Variants in AUTS2 observed in about 807,000 individuals in gnomAD.
The protein encoded by AUTS2 is autism susceptibility gene 2 protein.
AUTS2 carries 17 observed loss-of-function variants against 112.4 expected under a neutral mutation model. That is an observed-to-expected ratio of 0.15 (90% CI 0.10 to 0.23). AUTS2 has a LOEUF of 0.23. AUTS2 is among the 10% of genes least tolerant of loss of function. The pLI, the probability that AUTS2 is intolerant of heterozygous loss-of-function variation, is 1.00. For missense variants in AUTS2, 1,510 were observed against 1,701.6 expected (o/e 0.89, Z 1.98); for synonymous variants, 751 against 702.7 (o/e 1.07, Z -1.09).
intron 4 of AUTS2, among the ~76,000 whole-genome samples, chr7:70,220,436 A>C (rs919502182): frequency 3.9e-5 from 6 of 152,178 alleles, no homozygotes; most frequent in Non-Finnish European, 7.3e-5. Context: ...ATATTCAGAG[A>C]TAGAGCAAAG....
At chr7:70,054,386 T>C (rs895953342) in intron 2 of AUTS2, among the ~76,000 whole-genome samples, 2 of 152,176 alleles carry the variant, frequency 1.3e-5, no homozygotes, top group African/African-American at 4.8e-5. Flanking sequence ...TGCTTTCCTG[T>C]TTTTTCTCAA....
chr7:70,448,980 G>A (rs1796426178), intron 5 of AUTS2, among the ~76,000 whole-genome samples: 1 of 152,198 alleles, frequency 6.6e-6, no homozygotes, highest in African/African-American at 2.4e-5. Context: ...CTCTTAAGTT[G>A]TAACAGCTTT....
intron 5 of AUTS2, among the ~76,000 whole-genome samples, chr7:70,566,162 G>A (rs978777721): frequency 1.8e-4 from 27 of 152,184 alleles, no homozygotes; most frequent in Non-Finnish European, 2.9e-4. Flanking sequence ...CTCTAATTCA[G>A]CCTCTGCCAA....
chr7:69,776,460 G>C (rs1438539779), intron 1 of AUTS2, among the ~76,000 whole-genome samples: 1 of 152,140 alleles, frequency 6.6e-6, no homozygotes, highest in African/African-American at 2.4e-5. Flanking sequence ...CTGATACTCA[G>C]GTTAGAGTAC....
At chr7:70,175,491 A>G (rs1808938512) in intron 4 of AUTS2, among the ~76,000 whole-genome samples, 1 of 152,228 alleles carries the variant, frequency 6.6e-6, no homozygotes, top group African/African-American at 2.4e-5. Flanking sequence ...TGTGGGTAAT[A>G]TGCTATCAAA....
At chr7:69,740,110 C>T (rs1253237364) in intron 1 of AUTS2, among the ~76,000 whole-genome samples, 2 of 152,216 alleles carry the variant, frequency 1.3e-5, no homozygotes, top group Non-Finnish European at 2.9e-5. Context: ...TGACTAGCTG[C>T]CTCTTTGGCC....
chr7:70,596,402 G>A (rs1404834526), intron 5 of AUTS2: 2 of 152,186 alleles, frequency 1.3e-5, no homozygotes, highest in African/African-American at 4.8e-5. Flanking sequence ...AGCCAGACCC[G>A]GGGAGGCAGA....
chr7:70,262,633 G>T (rs1787224558), intron 4 of AUTS2, among the ~76,000 whole-genome samples: 1 of 152,120 alleles, frequency 6.6e-6, no homozygotes, highest in South Asian at 2.1e-4. Flanking sequence ...TTTTATGAAT[G>T]GTAGCAATAC....
chr7:69,908,423 T>G (rs1795230657), intron 2 of AUTS2, among the ~76,000 whole-genome samples: 1 of 152,260 alleles, frequency 6.6e-6, no homozygotes, highest in Non-Finnish European at 1.5e-5. Flanking sequence ...TGTTATTTAC[T>G]CTGGGGCTTT....
chr7:70,666,972 TAAAA>T lies in AUTS2; in HGVS notation c.691-31581_691-31578del, dbSNP rs5884791. Among the ~76,000 whole-genome samples, 123 of 135,674 alleles carry T rather than the reference TAAAA, an allele frequency of 9.1e-4. 2 individuals are homozygous for T. Among genetic ancestry groups the T allele is most frequent in the African/African-American group, 2.4e-3 (89 of 36,608 alleles). The allele number at this position is 135,674 out of a possible 152,430, so 89.0% of individuals were successfully genotyped here. On this transcript the variant is annotated intron_variant, in intron 5 of 18. Transcript: ENST00000342771. ...AGCTGTGTTCCTAGTGCCGTCTTCT[TAAAA>T]AAAAAAAAAAAAAAAGTTTCCTTCC...
chr7:70,223,070 G>T (rs1047947415), intron 4 of AUTS2, among the ~76,000 whole-genome samples: 1 of 151,892 alleles, frequency 6.6e-6, no homozygotes, highest in African/African-American at 2.4e-5. Context: ...TGTATTTTTA[G>T]TAGAGACGGG....
At chr7:69,613,493 A>G (rs1793153448) in intron 1 of AUTS2, among the ~76,000 whole-genome samples, 2 of 152,204 alleles carry the variant, frequency 1.3e-5, no homozygotes, top group South Asian at 4.1e-4. Flanking sequence ...ATTTTAAACC[A>G]TTGTCAAAGG....
At chr7:70,430,353 C>T (rs1795604920) in intron 4 of AUTS2, among the ~76,000 whole-genome samples, 1 of 152,168 alleles carries the variant, frequency 6.6e-6, no homozygotes, top group Non-Finnish European at 1.5e-5. Context: ...ACATACCCAA[C>T]GGAAGCTTAA....
chr7:70,354,292 A>G (rs1342902845), intron 4 of AUTS2, among the ~76,000 whole-genome samples: 1 of 152,244 alleles, frequency 6.6e-6, no homozygotes, highest in Non-Finnish European at 1.5e-5. Flanking sequence ...TCCAATAAGT[A>G]CAGAGAGTAA....
intron 5 of AUTS2, among the ~76,000 whole-genome samples, chr7:70,608,577 C>T (rs1039322145): frequency 2.0e-5 from 3 of 152,104 alleles, no homozygotes; most frequent in Non-Finnish European, 4.4e-5. Context: ...AGAGCAGCCT[C>T]CCCCCATAGT....
At chr7:70,687,080 A>G (rs556132740) in intron 5 of AUTS2, among the ~76,000 whole-genome samples, 1 of 152,308 alleles carries the variant, frequency 6.6e-6, no homozygotes, top group East Asian at 1.9e-4. Context: ...ATGGAAATAG[A>G]GGAGCCAGGT....
chr7:69,875,634 G>A (rs189084585), intron 1 of AUTS2, among the ~76,000 whole-genome samples: 139 of 152,284 alleles, frequency 9.1e-4, no homozygotes, highest in African/African-American at 3.2e-3. Flanking sequence ...TGGTTCATGT[G>A]TAGAAAATGT....
intron 4 of AUTS2, among the ~76,000 whole-genome samples, chr7:70,241,668 G>C (rs542398630): frequency 6.6e-6 from 1 of 152,286 alleles, no homozygotes; most frequent in South Asian, 2.1e-4. Flanking sequence ...TCAAAAGAAA[G>C]AAATGCAGTA....
chr7:70,173,315 C>T lies in AUTS2; in HGVS notation c.660+38744C>T, dbSNP rs528538445. Among the ~76,000 whole-genome samples, 6 of 150,046 alleles carry T rather than the reference C, an allele frequency of 4.0e-5. No individual in the cohort carries two copies. The South Asian group carries it at 8.5e-4, about 21-fold the overall frequency. ...GGCGGAGCTTGCAGTGAGCCGAGGT[C>T]GTGCCACTGTACTCCAGCCTGGGCA... On this transcript the variant is annotated intron_variant, in intron 4 of 18. Coordinates refer to ENST00000342771, the MANE Select transcript of AUTS2 (RefSeq NM_015570.4).
Sources: allele counts gnomAD v4.1 joint callset (sites outside exome capture counted in the v4.1 genomes callset), GRCh38; gene constraint gnomAD v4.1.1; transcripts MANE v1.5; gene names NCBI Gene and HGNC (gene_info 2026-07-23, HGNC 2026-07-21).